The following RBM47 variants were observed in gnomAD, a reference collection of about 807,000 sequenced individuals.
RBM47 encodes the protein RNA binding motif protein 47.
A neutral mutation model predicts 47.1 loss-of-function variants in RBM47; 21 were observed. The ratio of observed to expected loss-of-function variants is 0.45; its 90% CI spans 0.32 to 0.64. The LOEUF (loss-of-function observed/expected upper bound fraction) is 0.64, where lower values mean the gene tolerates loss of function less well. Among genes scored for constraint, RBM47 ranks in the 30% least tolerant of loss-of-function variants. RBM47 has a pLI of 0.05. For synonymous variants in RBM47, 375 were observed against 361.7 expected, an observed-to-expected ratio of 1.04 and a Z score of -0.42; for missense variants, 708 against 870.9, an observed-to-expected ratio of 0.81 and a Z score of 2.35.
intron 1 of RBM47, among the ~76,000 whole-genome samples, chr4:40,597,271 T>C (rs1477094394): frequency 1.4e-5 from 2 of 147,340 alleles, no homozygotes; most frequent in South Asian, 4.3e-4. Context: ...AAAAAAAAAA[T>C]AGTTTTAGTT....
rs1716238392 is a variant in RBM47 at position 40,456,355 on chromosome 4, C to T, written c.-32+10222G>A. 2.0e-5 allele frequency among the ~76,000 whole-genome samples: 3 copies of T among 152,050 alleles called. No individual in the cohort carries two copies. In the South Asian group the frequency reaches 6.2e-4, roughly 32 times the overall value. On this transcript the variant is annotated intron_variant, in intron 3 of 6. Coordinates refer to ENST00000295971, the MANE Select transcript of RBM47 (RefSeq NM_001098634.2). ...GAACTGGTAGTTTGATGCATGATTACTTTTTAATTATAAAAGTCATCTTTA... is the reference window on the plus strand; with the variant it reads ...GAACTGGTAGTTTGATGCATGATTATTTTTTAATTATAAAAGTCATCTTTA...
chr4:40,486,064 T>A (rs1721032062), intron 2 of RBM47, among the ~76,000 whole-genome samples: 2 of 112,338 alleles, frequency 1.8e-5, no homozygotes, highest in South Asian at 5.3e-4. Flanking sequence ...AGCAAAACCC[T>A]GTTTCAAAAA....
chr4:40,626,163 G>T (rs1399917799), intron 1 of RBM47, among the ~76,000 whole-genome samples: 1 of 152,154 alleles, frequency 6.6e-6, no homozygotes, highest in Non-Finnish European at 1.5e-5. Context: ...GACAAAAATG[G>T]AAGATTCATA....
In RBM47 at chr4:40,432,706, G is replaced by GCTGCGGCGGCTGCGC; in HGVS notation, c.1486_1487insGCGCAGCCGCCGCAG (p.Ala495_Ala496insGlyAlaAlaAlaAla). Reference sequence around the variant, plus strand: ...AATGACAGCGGCTGCGGCGGCTGCGGCCGCGGCTGCGGCGGCAGCAGCACT... The same window carrying GCTGCGGCGGCTGCGC: ...AATGACAGCGGCTGCGGCGGCTGCGGCTGCGGCGGCTGCGCCCGCGGCTGCGGCGGCAGCAGCACT... On this transcript the variant is annotated inframe_insertion, in exon 6 of 7. Transcript: ENST00000295971. 6.3e-7 allele frequency: 1 copy of GCTGCGGCGGCTGCGC among 1,590,944 alleles called. No individual in the cohort carries two copies. Among genetic ancestry groups the GCTGCGGCGGCTGCGC allele is most frequent in the Non-Finnish European group, 8.6e-7 (1 of 1,165,080 alleles).
intron 2 of RBM47, among the ~76,000 whole-genome samples, chr4:40,478,285 G>A (rs1035328702): frequency 6.6e-6 from 1 of 152,164 alleles, no homozygotes; most frequent in Non-Finnish European, 1.5e-5. Context: ...AAAGTGCTGG[G>A]ATTATAGGCC....
chr4:40,453,929 ATT>A (rs1483490361), intron 3 of RBM47, among the ~76,000 whole-genome samples: 1 of 152,026 alleles, frequency 6.6e-6, no homozygotes, highest in Non-Finnish European at 1.5e-5. Context: ...ATAGTTAACT[ATT>A]TTTTTGAACA....
intron 6 of RBM47, among the ~76,000 whole-genome samples, chr4:40,431,249 A>C (rs1386824297): frequency 6.6e-6 from 1 of 152,182 alleles, no homozygotes; most frequent in South Asian, 2.1e-4. Context: ...TATAAGGTGA[A>C]GATACAAAGA....
At chr4:40,536,113 T>C (rs756473817) in intron 2 of RBM47, among the ~76,000 whole-genome samples, 9 of 152,264 alleles carry the variant, frequency 5.9e-5, no homozygotes, top group African/African-American at 1.4e-4. Context: ...CATAGAAATT[T>C]TGTCATTCTT....
rs867036808 is a variant in RBM47 at position 40,437,888 on chromosome 4, C to T, written c.1006G>A (p.Ala336Thr). 1.2e-6 allele frequency: 2 copies of T among 1,613,944 alleles called. No homozygotes were observed. Among genetic ancestry groups the T allele is most frequent in the African/African-American group, 2.7e-5 (2 of 75,074 alleles). Residue 336 changes from alanine (A) to threonine (T), a missense_variant, in exon 4 of 7, where the codon GCG becomes ACG. Ala to Thr is a moderately conservative substitution (Grantham distance 58). Transcript: ENST00000295971. ...RYQKAARGGG[A>T]AEAAQQPSYV... ...CTGGGCTGCTGCGCTGCCTCAGCCG[C>T]GCCGCCGCCCCTGGCTGCCTTCTGG...
chr4:40,493,308 G>A (rs890034952), intron 2 of RBM47, among the ~76,000 whole-genome samples: 1 of 152,164 alleles, frequency 6.6e-6, no homozygotes, highest in Admixed American at 6.6e-5. Context: ...CATGACAGGT[G>A]GCATTAAGGA....
intron 2 of RBM47, among the ~76,000 whole-genome samples, chr4:40,490,891 T>C (rs868608909): frequency 7.4e-6 from 1 of 134,432 alleles, no homozygotes; most frequent in Non-Finnish European, 1.6e-5. Context: ...CTCAGCTAGT[T>C]TCTGGGAAAA....
chr4:40,591,652 C>T (rs1177880043), intron 1 of RBM47, among the ~76,000 whole-genome samples: 3 of 152,086 alleles, frequency 2.0e-5, no homozygotes, highest in Admixed American at 6.5e-5. Flanking sequence ...TGAGATCACA[C>T]CATTGCACTC....
chr4:40,582,803 T>C (rs1482720452), intron 1 of RBM47, among the ~76,000 whole-genome samples: 2 of 152,186 alleles, frequency 1.3e-5, no homozygotes, highest in African/African-American at 4.8e-5. Flanking sequence ...ATCAAAACCA[T>C]TCAATTGTCA....
At chr4:40,562,461 ATTTT>A (rs67887812) in intron 1 of RBM47, among the ~76,000 whole-genome samples, 2 of 113,744 alleles carry the variant, frequency 1.8e-5, no homozygotes, top group Admixed American at 9.3e-5. Context: ...ACTTCTCCCT[ATTTT>A]TTTTTTTTTT....
At chr4:40,593,618 C>T (rs1030940629) in intron 1 of RBM47, among the ~76,000 whole-genome samples, 6 of 152,052 alleles carry the variant, frequency 3.9e-5, no homozygotes, top group South Asian at 2.1e-4. Context: ...CGGTGGCTCA[C>T]GCCTGTAATC....
At chr4:40,479,862 C>T (rs1353541992) in intron 2 of RBM47, among the ~76,000 whole-genome samples, 2 of 152,058 alleles carry the variant, frequency 1.3e-5, no homozygotes, top group African/African-American at 4.8e-5. Flanking sequence ...ATAACTATAG[C>T]TAACTCCTAC....
At chr4:40,489,315 AAAT>A (rs1721546189) in intron 2 of RBM47, among the ~76,000 whole-genome samples, 1 of 152,232 alleles carries the variant, frequency 6.6e-6, no homozygotes, top group South Asian at 2.1e-4. Flanking sequence ...TTAAGGAAGG[AAAT>A]AATAATGATT....
intron 1 of RBM47, among the ~76,000 whole-genome samples, chr4:40,602,558 A>G (rs1207078781): frequency 2.0e-5 from 3 of 151,504 alleles, no homozygotes; most frequent in Admixed American, 6.6e-5. Flanking sequence ...TGAGGCAGGA[A>G]AATGACTTGA....
At position 40,592,412 on chromosome 4, in the gene RBM47, A is replaced by C. The variant is rs978168739; in HGVS notation, c.-240+36984T>G. 2.0e-5 allele frequency among the ~76,000 whole-genome samples: 3 copies of C among 146,360 alleles called. No individual in the cohort carries two copies. In the Admixed American group the frequency reaches 2.1e-4, roughly 10 times the overall value. ...AGGACCACAGGCATCCACCTGGCTTAATCTTTTTTTTTTCTTTTTTTTTTT... is the reference window on the plus strand; with the variant it reads ...AGGACCACAGGCATCCACCTGGCTTCATCTTTTTTTTTTCTTTTTTTTTTT... On this transcript the variant is annotated intron_variant, in intron 1 of 6. Transcript: ENST00000295971.
Sources: gnomAD v4.1 joint callset for allele counts (sites outside exome capture counted in the v4.1 genomes callset) on GRCh38, gnomAD v4.1.1 for gene constraint, MANE v1.5 for transcripts, NCBI Gene and HGNC (gene_info 2026-07-23, HGNC 2026-07-21) for gene names.